Variants in PSD4 observed in about 807,000 individuals in gnomAD.
The protein encoded by PSD4 is pleckstrin and Sec7 domain containing 4, also known as PH and SEC7 domain-containing protein 4.
A neutral mutation model predicts 112.5 loss-of-function variants in PSD4; 59 were observed. The observed-to-expected ratio is 0.52, with a 90% confidence interval of 0.43 to 0.65. PSD4 has a LOEUF of 0.65. Ranked by LOEUF, PSD4 falls within the 30% of genes least tolerant of loss-of-function variation. The pLI is 0.00. For missense variants in PSD4, 1,267 were observed against 1,352.6 expected, an observed-to-expected ratio of 0.94 and a Z score of 0.99; for synonymous variants, 533 against 540.0, an observed-to-expected ratio of 0.99 and a Z score of 0.18.
chr2:113,196,091 A>G (rs1230358852), intron 11 of PSD4, 56 bp from the exon 12 acceptor site: 2 of 1,564,438 alleles, frequency 1.3e-6, no homozygotes, highest in Admixed American at 3.5e-5. Context: ...GGCAATGGAT[A>G]CCTCCCAGTT....
chr2:113,192,321 C>G, intron 5 of PSD4, 59 bp from the exon 6 acceptor site: 1 of 1,554,248 alleles, frequency 6.4e-7, no homozygotes, highest in South Asian at 1.1e-5. Flanking sequence ...TCGGGGAACT[C>G]TTGCCACAAC....
Position 113,197,801 on chromosome 2 carries a change from G to A in PSD4, c.2512G>A (p.Glu838Lys). The A allele has an allele frequency of 6.2e-7, 1 of 1,611,344 alleles. No individual in the cohort carries two copies. The highest frequency in any genetic ancestry group is 8.5e-7 in the Non-Finnish European group (1 of 1,177,930). The change falls in exon 14 of 17, where the codon GAG becomes AAG. Residue 838 changes from glutamate to lysine, a missense_variant. Glu to Lys is a moderately conservative substitution (Grantham distance 56). Transcript: ENST00000245796. ...GESLVGQMVD[E>K]PVGVHHSLAT... Reference sequence around the variant, plus strand: ...GAGCTTGGTGGGGCAGATGGTGGATGAGCCCGTGGGGGTGCACCACTCGCT... The same window carrying A: ...GAGCTTGGTGGGGCAGATGGTGGATAAGCCCGTGGGGGTGCACCACTCGCT...
At chr2:113,190,504 G>A (rs1688415483) in intron 5 of PSD4, among the ~76,000 whole-genome samples, 1 of 152,164 alleles carries the variant, frequency 6.6e-6, no homozygotes, top group South Asian at 2.1e-4. Context: ...GTACAATCAT[G>A]AATCACTGAA....
At chr2:113,188,726 G>A (rs187606666) in intron 5 of PSD4, among the ~76,000 whole-genome samples, 2,629 of 151,934 alleles carry the variant, frequency 0.017, 58 homozygotes, top group South Asian at 0.086. Flanking sequence ...GACTACAGGC[G>A]CCCGCCACTG....
Position 113,185,422 on chromosome 2 carries a change from CTT to C in PSD4, c.1232_1233del (p.Leu411GlnfsTer7). The C allele has an allele frequency of 6.2e-7, 1 of 1,614,170 alleles. No homozygotes were observed. Among genetic ancestry groups the C allele is most frequent in the Non-Finnish European group, 8.5e-7 (1 of 1,180,034 alleles). ...AGGTCCTTTTTGGCCCCAGGTGACT[CTT>C]AACTCCCAGGACAGAGGTGAGCCCT... ...RGGPFWPQVT[L>X]NSQDRDEREG... On this transcript the variant is annotated frameshift_variant, in exon 4 of 17. Transcript: ENST00000245796. LOFTEE classifies it high-confidence loss of function.
At chr2:113,179,112 C>T (rs967991858) in intron 1 of PSD4, among the ~76,000 whole-genome samples, 1 of 152,174 alleles carries the variant, frequency 6.6e-6, no homozygotes, top group African/African-American at 2.4e-5. Context: ...CACTCGGTTG[C>T]TCTCCACCAG....
At position 113,195,710 on chromosome 2, in the gene PSD4, G is replaced by T; in HGVS notation, c.2182-17G>T. ...AGCCCTGAGGCTCCCCTGCCCACCT[G>T]TGTGCTTCTGTTCCAGGCCCTCTAC... is the stretch of plus-strand genomic sequence containing the variant. On this transcript the variant is annotated splice_polypyrimidine_tract_variant and intron_variant, in intron 10 of 16. Coordinates refer to ENST00000245796, the MANE Select transcript of PSD4 (RefSeq NM_012455.3). 3 of 1,614,162 alleles carry T rather than the reference G, an allele frequency of 1.9e-6. No homozygotes were observed. Among genetic ancestry groups the T allele is most frequent in the Non-Finnish European group, 2.5e-6 (3 of 1,180,020 alleles).
intron 16 of PSD4, among the ~76,000 whole-genome samples, chr2:113,200,286 C>G (rs1688738652): frequency 6.6e-6 from 1 of 152,198 alleles, no homozygotes; most frequent in East Asian, 1.9e-4. Context: ...TCCTGGGTGC[C>G]TGCTTAGGGT....
rs1688287210 is a variant in PSD4, at chr2:113,185,928, C to T, written c.1301C>T (p.Pro434Leu). Residue 434 changes from proline (P) to leucine (L), a missense_variant, in exon 5 of 17, where the codon CCC (proline) becomes CTC (leucine). Pro to Leu is a moderately conservative substitution (Grantham distance 98). Coordinates refer to ENST00000245796, the MANE Select transcript of PSD4 (RefSeq NM_012455.3). The part of the protein sequence containing the change: ...PQESLPCTLA[P>L]CPWRSPASSP... ...GAATCTCTTCCCTGCACCTTGGCCCCCTGCCCCTGGAGGAGCCCAGCTTCT... is the reference window on the plus strand; with the variant it reads ...GAATCTCTTCCCTGCACCTTGGCCCTCTGCCCCTGGAGGAGCCCAGCTTCT... The T allele has an allele frequency of 6.2e-7, 1 of 1,613,654 alleles. No individual in the cohort carries two copies. The highest frequency in any genetic ancestry group is 1.3e-5 in the African/African-American group (1 of 74,932).
chr2:113,195,019 A>G (rs1688557636), intron 10 of PSD4, among the ~76,000 whole-genome samples: 1 of 152,202 alleles, frequency 6.6e-6, no homozygotes, highest in African/African-American at 2.4e-5. Context: ...CTGCACATTT[A>G]TTGTGGGGAT....
intron 14 of PSD4, chr2:113,198,174 C>T: frequency 2.2e-6 from 1 of 446,120 alleles, no homozygotes; most frequent in Non-Finnish European, 3.9e-6. Flanking sequence ...GATAAAGCCT[C>T]CCAGTTCAGA....
intron 1 of PSD4, among the ~76,000 whole-genome samples, chr2:113,177,576 C>A (rs1390630741): frequency 1.3e-5 from 2 of 152,166 alleles, no homozygotes; most frequent in East Asian, 1.9e-4. Context: ...GGGGCCTGAA[C>A]CTCTTACGTC....
At chr2:113,195,625 G>T in intron 10 of PSD4, 102 bp from the exon 11 acceptor site, 1 of 1,260,496 alleles carries the variant, frequency 7.9e-7, no homozygotes, top group South Asian at 1.3e-5. Context: ...GGGTGGAGGA[G>T]GCAGGCTGTA....
chr2:113,195,786 T>C lies in PSD4; in HGVS notation c.2225+16T>C. ...AGTGGGCCGTGTGAGTGAGACTCCCTTTCCCCTCTCCCTCTCACCCCTCTC... is the reference window on the plus strand; with the variant it reads ...AGTGGGCCGTGTGAGTGAGACTCCCCTTCCCCTCTCCCTCTCACCCCTCTC... On this transcript the variant is annotated intron_variant, in intron 11 of 16. Coordinates refer to ENST00000245796, the MANE Select transcript of PSD4 (RefSeq NM_012455.3). 2.5e-6 allele frequency: 4 copies of C among 1,614,074 alleles called. No individual in the cohort carries two copies. The highest frequency in any genetic ancestry group is 3.4e-6 in the Non-Finnish European group (4 of 1,179,994).
At chr2:113,183,576 G>T (rs575654364) in intron 2 of PSD4, 64 bp downstream of exon 2, 3 of 1,405,314 alleles carry the variant, frequency 2.1e-6, no homozygotes, top group East Asian at 4.7e-5. Flanking sequence ...GGTCTTCCTC[G>T]GGGGTCACCA....
rs1387400308 is a variant in PSD4 at position 113,182,709 on chromosome 2, G to A, written c.253G>A (p.Glu85Lys). ...LGSWVHQDGL[E>K]PCQEQTRATD... ...GAGCTGGGTCCATCAGGACGGGCTG[G>A]AGCCTTGCCAGGAGCAAACCCGGGC... Residue 85 changes from glutamate (E) to lysine (K), a missense_variant, in exon 2 of 17, where the codon GAG becomes AAG. Transcript: ENST00000245796. The A allele has an allele frequency of 5.6e-6, 9 of 1,606,456 alleles. No individual in the cohort carries two copies. Among genetic ancestry groups the A allele is most frequent in the Non-Finnish European group, 7.7e-6 (9 of 1,175,290 alleles).
chr2:113,177,185 C>T (rs995279311), intron 1 of PSD4, among the ~76,000 whole-genome samples: 2 of 152,192 alleles, frequency 1.3e-5, no homozygotes, highest in African/African-American at 4.8e-5. Flanking sequence ...CACTGGACTT[C>T]CTGGAGAGGG....
chr2:113,181,416 G>A (rs552998531), intron 1 of PSD4, among the ~76,000 whole-genome samples: 5 of 152,284 alleles, frequency 3.3e-5, no homozygotes, highest in South Asian at 2.1e-4. Flanking sequence ...TCTGAGAGCC[G>A]TGTAAGCGGT....
chr2:113,189,499 T>C (rs962194701), intron 5 of PSD4, among the ~76,000 whole-genome samples: 1 of 152,138 alleles, frequency 6.6e-6, no homozygotes, highest in African/African-American at 2.4e-5. Context: ...ATATTTTTCT[T>C]ATAATGACTT....
Sources: gnomAD v4.1 joint callset for allele counts (sites outside exome capture counted in the v4.1 genomes callset) on GRCh38, gnomAD v4.1.1 for gene constraint, MANE v1.5 for transcripts, NCBI Gene and HGNC (gene_info 2026-07-23, HGNC 2026-07-21) for gene names.